The following CTSA variants were observed in gnomAD, a reference collection of about 807,000 sequenced individuals.
The protein encoded by CTSA is cathepsin A, also known as lysosomal protective protein.
CTSA carries 42 observed loss-of-function variants against 66.7 expected under a neutral mutation model. The ratio of observed to expected loss-of-function variants is 0.63; its 90% confidence interval spans 0.49 to 0.81. The LOEUF is 0.81. Ranked by LOEUF, CTSA falls within the 40% of genes least tolerant of loss-of-function variation. The pLI, the probability that CTSA is intolerant of heterozygous loss-of-function variation, is 0.00. For synonymous variants in CTSA, 225 were observed against 248.6 expected, an observed-to-expected ratio of 0.91 and a Z score of 0.89; for missense variants, 525 against 610.9, an observed-to-expected ratio of 0.86 and a Z score of 1.48.
At chr20:45,893,911 G>GTTGGTGGGAGT in intron 7 of CTSA, 77 bp from the exon 8 acceptor site, 1 of 879,334 alleles carries the variant, frequency 1.1e-6, no homozygotes. Flanking sequence ...TTGGTGGGAG[G>GTTGGTGGGAGT]TGGGGGGTAT....
chr20:45,898,165 A>C lies in CTSA; in HGVS notation c.1359+56A>C, dbSNP rs1470339826. The C allele has an allele frequency of 1.3e-6, 2 of 1,559,202 alleles. No homozygotes were observed. The highest frequency in any genetic ancestry group is 1.8e-6 in the Non-Finnish European group (2 of 1,132,382). ...GGCCGGAGGCAAAGGAGCAGGACCC[A>C]CCCGTCCTTTCCCTCTGGCTGCCTT... On this transcript the variant is annotated intron_variant, in intron 14 of 14. Transcript: ENST00000646241. This position sits in a 1 kb window ranked among gnomAD's most constrained non-coding sequence, Gnocchi z 4.6.
chr20:45,891,709 C>T lies in CTSA; in HGVS notation c.141C>T (p.Phe47=), dbSNP rs1353464378. Residue 47 remains phenylalanine (F), a synonymous_variant, in exon 2 of 15, where the codon TTC becomes TTT. Transcript: ENST00000646241. This position sits in a 1 kb window ranked among gnomAD's most constrained non-coding sequence, Gnocchi z 4.6. ...CCGGGCTGGCCAAGCAGCCGTCTTT[C>T]CGCCAGTACTCCGGCTACCTCAAAG... The part of the protein sequence containing the change: ...RLPGLAKQPS[F]RQYSGYLKGS... 1.2e-6 allele frequency: 2 copies of T among 1,613,522 alleles called. No homozygotes were observed. Among genetic ancestry groups the T allele is most frequent in the South Asian group, 2.2e-5 (2 of 91,092 alleles).
At chr20:45,896,814 C>G in intron 11 of CTSA, 151 bp from the exon 12 acceptor site, 1 of 704,550 alleles carries the variant, frequency 1.4e-6, no homozygotes, top group South Asian at 1.5e-5. Flanking sequence ...CAAGTCAGTC[C>G]TAGAGAGGTG....
chr20:45,896,598 A>C, intron 11 of CTSA: 1 of 271,108 alleles, frequency 3.7e-6, no homozygotes, highest in Non-Finnish European at 7.2e-6. Flanking sequence ...ACGCCTGGCT[A>C]ATTTTTGTAT....
rs753421220 is a variant in CTSA at position 45,898,355 on chromosome 20, A to G, written c.1360-12A>G. On this transcript the variant is annotated splice_polypyrimidine_tract_variant and intron_variant, in intron 14 of 14. Coordinates refer to ENST00000646241, the MANE Select transcript of CTSA (RefSeq NM_000308.4). The surrounding 1 kb of genome is among the most constrained non-coding windows in gnomAD (Gnocchi z 4.6). ...ATGGTGGGGTCAGGAGCTCACGAAC[A>G]TTGCTCCTCAGGGCGCCGGCCACAT... 3.7e-6 allele frequency: 6 copies of G among 1,611,664 alleles called. No homozygotes were observed. In the African/African-American group the frequency reaches 4.0e-5, roughly 11 times the overall value.
intron 11 of CTSA, among the ~76,000 whole-genome samples, chr20:45,895,625 G>A (rs1035935783): frequency 2.0e-5 from 3 of 151,936 alleles, no homozygotes; most frequent in African/African-American, 4.8e-5. Flanking sequence ...ATTTCATTAC[G>A]TAGCCACATT....
intron 8 of CTSA, 139 bp downstream of exon 8, chr20:45,894,211 A>T: frequency 1.4e-6 from 1 of 734,802 alleles, no homozygotes; most frequent in Non-Finnish European, 2.5e-6. Flanking sequence ...GTTCTCTGGG[A>T]CATGTGTCTA....
rs72555383 is a variant in CTSA at position 45,891,598 on chromosome 20, CCTGCTGCTGCTG to C, written c.45_56del (p.Leu16_Leu19del). ...TCCGAGCCGCGCCGCCGCCGCTGTT[CCTGCTGCTGCTG>C]CTGCTGCTGCTGCTAGTGTCCTGGG... is the stretch of plus-strand genomic sequence containing the variant. On this transcript the variant is annotated inframe_deletion, in exon 2 of 15. Transcript: ENST00000646241. This position sits in a 1 kb window ranked among gnomAD's most constrained non-coding sequence, Gnocchi z 4.6. The C allele has an allele frequency of 2.8e-5, 44 of 1,581,938 alleles. No homozygotes were observed. The African/African-American group carries it at 3.8e-4, about 14-fold the overall frequency.
chr20:45,893,486 CT>C (rs5841610), intron 7 of CTSA, 175 bp downstream of exon 7: 19,305 of 504,872 alleles, frequency 0.038, no homozygotes, highest in Middle Eastern at 0.057. Context: ...TTCTTTCTTT[CT>C]TTTTTTTTTT....
At chr20:45,893,011 C>G in intron 6 of CTSA, 131 bp downstream of exon 6, 1 of 1,137,874 alleles carries the variant, frequency 8.8e-7, no homozygotes. Context: ...ACCGGCTGCC[C>G]TAGGTCTGTC....
At chr20:45,897,135 G>C (rs777465923) in intron 12 of CTSA, 95 bp downstream of exon 12, 2 of 1,044,976 alleles carry the variant, frequency 1.9e-6, no homozygotes, top group African/African-American at 3.1e-5. Context: ...GTCAGGACAA[G>C]GGAAGCTGAA....
chr20:45,897,739 A>T lies in CTSA; in HGVS notation c.1187A>T (p.Asn396Ile). Reference protein sequence around the residue: ...SSQKYQILLYNGDVDMACNFM... With the variant: ...SSQKYQILLYIGDVDMACNFM... ...TAGAAATACCAGATCCTATTATATA[A>T]TGGAGATGTAGACATGGCCTGCAAT... is the stretch of plus-strand genomic sequence containing the variant. Residue 396 changes from asparagine to isoleucine, a missense_variant, in exon 13 of 15, where the codon AAT becomes ATT. Physicochemically the swap from Asn to Ile is moderately radical, Grantham distance 149. This residue lies in a region of CTSA where 274 missense variants were observed against 321.1 expected (regional missense o/e 0.85). Transcript: ENST00000646241. 6.2e-7 allele frequency: 1 copy of T among 1,610,228 alleles called. No homozygotes were observed. Among genetic ancestry groups the T allele is most frequent in the Non-Finnish European group, 8.5e-7 (1 of 1,176,622 alleles).
Position 45,896,981 on chromosome 20 carries a change from C to T in CTSA, c.1105C>T (p.Gln369Ter). 1.9e-6 allele frequency: 3 copies of T among 1,614,038 alleles called. No homozygotes were observed. The highest frequency in any genetic ancestry group is 2.2e-5 in the East Asian group (1 of 44,878). Residue 369 changes from glutamine to a stop codon, truncating the protein, a stop_gained, in exon 12 of 15, where the codon CAG (glutamine) becomes TAG (stop). Transcript: ENST00000646241. LOFTEE classifies it high-confidence loss of function. ...WDMCNFLVNLQYRRLYRSMNS... is the reference protein window; with the variant it reads ...WDMCNFLVNL ...TCCCGGCAGCTTTCTGGTAAACTTA[C>T]AGTACCGCCGTCTCTACCGAAGCAT...
At chr20:45,893,348 G>C in intron 7 of CTSA, 37 bp downstream of exon 7, 1 of 1,499,522 alleles carries the variant, frequency 6.7e-7, no homozygotes, top group Non-Finnish European at 9.3e-7. Flanking sequence ...TCTGGGGTGA[G>C]GCAGGTCACA....
At chr20:45,896,832 C>G (rs945993524) in intron 11 of CTSA, 133 bp from the exon 12 acceptor site, 233 of 791,320 alleles carry the variant, frequency 2.9e-4, no homozygotes, top group Non-Finnish European at 4.6e-4. Flanking sequence ...GTGGCCCCCC[C>G]CCAAAAAGGG....
intron 7 of CTSA, 91 bp downstream of exon 7, chr20:45,893,402 G>A: frequency 1.0e-6 from 1 of 976,140 alleles, no homozygotes; most frequent in Non-Finnish European, 1.7e-6. Context: ...GACAGGCCCA[G>A]CCCAGGTTTA....
rs1371697176 is a variant in CTSA, at chr20:45,891,847, G to A, written c.195-69G>A. On this transcript the variant is annotated intron_variant, in intron 2 of 14. Transcript: ENST00000646241. The surrounding 1 kb of genome is among the most constrained non-coding windows in gnomAD (Gnocchi z 4.6). Reference sequence around the variant, plus strand: ...GGTAGTTCTGCAGACCCCTGAGGATGCCTGGGAGCCGGGAGGGCTGGAAAG... The same window carrying A: ...GGTAGTTCTGCAGACCCCTGAGGATACCTGGGAGCCGGGAGGGCTGGAAAG... 9.9e-6 allele frequency: 16 copies of A among 1,608,466 alleles called. No homozygotes were observed. The highest frequency in any genetic ancestry group is 1.1e-5 in the Non-Finnish European group (13 of 1,175,168).
intron 11 of CTSA, 168 bp downstream of exon 11, chr20:45,895,301 A>G (rs531214511): frequency 6.5e-6 from 5 of 768,984 alleles, no homozygotes; most frequent in Non-Finnish European, 4.1e-6. Context: ...CAGCCAATTC[A>G]TTCTTTTATC....
At chr20:45,895,904 A>G (rs1208841258) in intron 11 of CTSA, among the ~76,000 whole-genome samples, 1 of 152,088 alleles carries the variant, frequency 6.6e-6, no homozygotes. Context: ...GTTAATAACT[A>G]TTACTTCCGA....
Sources: gnomAD v4.1 joint callset for allele counts (sites outside exome capture counted in the v4.1 genomes callset) on GRCh38, gnomAD v4.1.1 for gene constraint, gnomAD v4.1.1 regional missense constraint, Gnocchi (gnomAD v3.1) non-coding constraint, MANE v1.5 for transcripts, NCBI Gene and HGNC (gene_info 2026-07-23, HGNC 2026-07-21) for gene names.